Variants in RAD52 observed in about 807,000 individuals in gnomAD.
The protein encoded by RAD52 is DNA repair protein RAD52 homolog.
Under a neutral mutation model 55.5 loss-of-function variants are expected in RAD52, and 47 were observed. The ratio of observed to expected loss-of-function variants is 0.85; its 90% CI spans 0.67 to 1.08. The LOEUF (loss-of-function observed/expected upper bound fraction) is 1.08. Among genes scored for constraint, RAD52 ranks in the 50% least tolerant of loss-of-function variants. The pLI is 0.00. For missense variants in RAD52, 468 were observed against 522.8 expected (o/e 0.90, Z 1.02); for synonymous variants, 184 against 198.9 (o/e 0.92, Z 0.63).
In RAD52 at chr12:933,093, C is replaced by CA; in HGVS notation, c.-18-18_-18-17insT. ...GGTTGACCTCTATATAAATAAAAAGCGGAAAAAAAAAACAACCCTCAAAGA... is the reference window on the plus strand; with the variant it reads ...GGTTGACCTCTATATAAATAAAAAGCAGGAAAAAAAAAACAACCCTCAAAGA... On this transcript the variant is annotated splice_polypyrimidine_tract_variant and intron_variant, in intron 1 of 11. Transcript: ENST00000358495. 6.6e-7 allele frequency: 1 copy of CA among 1,511,216 alleles called. No homozygotes were observed. The highest frequency in any genetic ancestry group is 9.0e-7 in the Non-Finnish European group (1 of 1,113,188). The allele number at this position is 1,511,216 out of a possible 1,614,324, so 93.6% of individuals were successfully genotyped here.
chr12:989,785 A>T (rs1433681249), intron 1 of RAD52: 1 of 152,124 alleles, frequency 6.6e-6, no homozygotes, highest in Non-Finnish European at 1.5e-5. Flanking sequence ...ATATCTATTG[A>T]CTCCTAGTTG....
intron 1 of RAD52, chr12:974,365 T>A (rs1297789296): frequency 1.3e-5 from 2 of 152,176 alleles, no homozygotes; most frequent in African/African-American, 4.8e-5. Flanking sequence ...AGGCAGGTTT[T>A]TTTCTTCTCT....
At chr12:982,200 C>G (rs1348160869) in intron 1 of RAD52, among the ~76,000 whole-genome samples, 2 of 48,148 alleles carry the variant, frequency 4.2e-5, no homozygotes, top group Non-Finnish European at 1.7e-4. Flanking sequence ...TTCTTTCCTT[C>G]TGTCCTGTGT....
Position 929,824 on chromosome 12 carries a change from G to A in RAD52, c.343C>T (p.Leu115=), listed in dbSNP as rs144619978. ...VGVCAFVRVQ[L]KDGSYHEDVG... ...GGTCTACTCCATCCCCTCACCTTCA[G>A]CTGGACCCTCACAAATGCACAGACT... Residue 115 remains leucine (L), a synonymous_variant, in exon 5 of 12, where the codon CTG becomes TTG. Transcript: ENST00000358495. The A allele has an allele frequency of 3.7e-5, 60 of 1,613,542 alleles. No individual in the cohort carries two copies. In the East Asian group the frequency reaches 1.3e-3, roughly 36 times the overall value.
At chr12:935,724 A>G (rs1432343511) in intron 1 of RAD52, among the ~76,000 whole-genome samples, 1 of 151,236 alleles carries the variant, frequency 6.6e-6, no homozygotes, top group Non-Finnish European at 1.5e-5. Context: ...GTGGTGGTGC[A>G]TGCCTGTAAT....
chr12:918,651 CCTT>C (rs1304613487), intron 7 of RAD52, among the ~76,000 whole-genome samples: 1 of 152,124 alleles, frequency 6.6e-6, no homozygotes, highest in African/African-American at 2.4e-5. Flanking sequence ...CTCAAGCAAT[CCTT>C]CTTCCTTGGC....
At chr12:955,033 A>T (rs1156916813) in intron 1 of RAD52, among the ~76,000 whole-genome samples, 1 of 152,234 alleles carries the variant, frequency 6.6e-6, no homozygotes, top group African/African-American at 2.4e-5. Flanking sequence ...AGTGCTAGGC[A>T]GACAAAACAA....
At chr12:971,129 T>C (rs375624389) in intron 1 of RAD52, among the ~76,000 whole-genome samples, 3 of 152,342 alleles carry the variant, frequency 2.0e-5, no homozygotes, top group South Asian at 4.1e-4. Context: ...CTCCTTTGGT[T>C]GGAGAAGAAA....
At chr12:934,103 C>CAA (rs528889211) in intron 1 of RAD52, among the ~76,000 whole-genome samples, 105 of 64,220 alleles carry the variant, frequency 1.6e-3, no homozygotes, top group East Asian at 0.014. Flanking sequence ...GACTCTGTCT[C>CAA]AAAAAAAAAA....
At chr12:973,757 G>A (rs1958899696) in intron 1 of RAD52, among the ~76,000 whole-genome samples, 1 of 148,816 alleles carries the variant, frequency 6.7e-6, no homozygotes, top group South Asian at 2.1e-4. Flanking sequence ...CGGATTACAG[G>A]CATGAGCCAC....
intron 1 of RAD52, among the ~76,000 whole-genome samples, chr12:939,085 T>TGTGTGTGTGTGTGTGTGTGTGTAG (rs57206780): frequency 1.0e-4 from 15 of 144,646 alleles, no homozygotes; most frequent in African/African-American, 2.6e-4. Flanking sequence ...TGTGTGTGTG[T>TGTGTGTGTGTGTGTGTGTGTGTAG]AGAGAGAGAG....
chr12:923,319 C>A (rs1159983853), intron 7 of RAD52, among the ~76,000 whole-genome samples: 1 of 151,474 alleles, frequency 6.6e-6, no homozygotes, highest in African/African-American at 2.4e-5. Context: ...GCAGGAGGAT[C>A]ACATGAGCCC....
At chr12:945,585 G>A (rs980147828) in intron 1 of RAD52, among the ~76,000 whole-genome samples, 3 of 150,902 alleles carry the variant, frequency 2.0e-5, no homozygotes, top group African/African-American at 7.3e-5. Context: ...AGGCATGCGC[G>A]ACCACACCCA....
chr12:923,243 A>G (rs1163660962), intron 7 of RAD52, among the ~76,000 whole-genome samples: 1 of 152,004 alleles, frequency 6.6e-6, no homozygotes, highest in East Asian at 1.9e-4. Context: ...GCCCCCAAAA[A>G]AAGTTAATTA....
At chr12:934,250 T>G (rs1957491798) in intron 1 of RAD52, among the ~76,000 whole-genome samples, 1 of 151,974 alleles carries the variant, frequency 6.6e-6, no homozygotes, top group Non-Finnish European at 1.5e-5. Context: ...GCGGATCACC[T>G]GAGGTCAGGA....
chr12:925,413 G>A (rs370821139), intron 7 of RAD52, 37 bp downstream of exon 7: 241 of 1,551,358 alleles, frequency 1.6e-4, no homozygotes, highest in Non-Finnish European at 1.9e-4. Context: ...AGAGTTTGCC[G>A]CATTATCTTC....
At chr12:968,958 A>G (rs940666923) in intron 1 of RAD52, among the ~76,000 whole-genome samples, 6 of 152,118 alleles carry the variant, frequency 3.9e-5, no homozygotes, top group Middle Eastern at 3.2e-3. Flanking sequence ...TTCTGCATCA[A>G]TGGATTCAAC....
rs537824889 is a variant in RAD52, at chr12:962,627, G to A, written c.-19+27182C>T. ...CTCCCAAAGTGCTGGGATTACAGGC[G>A]TGAGCCACTGCACCTGGCCCAAGGA... On this transcript the variant is annotated intron_variant, in intron 1 of 11. Transcript: ENST00000430095. 2.6e-4 allele frequency among the ~76,000 whole-genome samples: 39 copies of A among 152,062 alleles called. No individual in the cohort carries two copies. The South Asian group carries it at 5.8e-3, about 23-fold the overall frequency.
intron 1 of RAD52, among the ~76,000 whole-genome samples, chr12:956,266 A>G (rs1017582217): frequency 6.6e-5 from 10 of 152,174 alleles, no homozygotes; most frequent in African/African-American, 2.4e-4. Flanking sequence ...ACGTCGTTAG[A>G]ACCAGGTTCA....
Sources: gnomAD v4.1 joint callset for allele counts (sites outside exome capture counted in the v4.1 genomes callset) on GRCh38, gnomAD v4.1.1 for gene constraint, MANE v1.5 for transcripts, NCBI Gene and HGNC (gene_info 2026-07-23, HGNC 2026-07-21) for gene names.